Variants in INSR observed in about 807,000 individuals in gnomAD.
INSR encodes IR.
Under a neutral mutation model 142.6 loss-of-function variants are expected in INSR, and 67 were observed. The observed-to-expected ratio is 0.47, with a 90% CI of 0.39 to 0.58. INSR has a LOEUF of 0.58. INSR is among the 20% of genes least tolerant of loss of function. INSR has a pLI of 0.00. For missense variants in INSR, 1,248 were observed against 1,833.2 expected, an observed-to-expected ratio of 0.68 and a Z score of 5.83; for synonymous variants, 756 against 743.1, an observed-to-expected ratio of 1.02 and a Z score of -0.28.
intron 10 of INSR, among the ~76,000 whole-genome samples, chr19:7,151,646 A>C (rs901807338): frequency 1.9e-4 from 29 of 151,650 alleles, no homozygotes; most frequent in African/African-American, 7.0e-4. Flanking sequence ...GTCCCCCTGA[A>C]CATTCTTTTG....
At chr19:7,118,223 C>T (rs1418185805) in intron 21 of INSR, among the ~76,000 whole-genome samples, 1 of 151,840 alleles carries the variant, frequency 6.6e-6, no homozygotes, top group African/African-American at 2.4e-5. Context: ...GCCTGGGTGA[C>T]ACAGCGAGAC....
chr19:7,260,675 C>T (rs953376490), intron 2 of INSR, among the ~76,000 whole-genome samples: 18 of 152,172 alleles, frequency 1.2e-4, no homozygotes, highest in African/African-American at 3.9e-4. Flanking sequence ...TTACTGGAAG[C>T]TTCCAGGACA....
At chr19:7,142,703 G>C in intron 12 of INSR, 113 bp downstream of exon 12, 3 of 1,327,300 alleles carry the variant, frequency 2.3e-6, no homozygotes, top group Non-Finnish European at 3.2e-6. Flanking sequence ...AAACAAAAAT[G>C]AAGGCCAATA....
At chr19:7,221,405 GAA>G (rs1325962428) in intron 2 of INSR, among the ~76,000 whole-genome samples, 14 of 127,962 alleles carry the variant, frequency 1.1e-4, no homozygotes, top group East Asian at 6.8e-4. Flanking sequence ...GGAGGAGGAG[GAA>G]AGAAGAAGAA....
intron 2 of INSR, among the ~76,000 whole-genome samples, chr19:7,224,656 C>T (rs914618097): frequency 1.3e-5 from 2 of 152,072 alleles, no homozygotes; most frequent in Non-Finnish European, 2.9e-5. Flanking sequence ...GCACCCTGGG[C>T]GAAGGGGCCA....
intron 9 of INSR, 111 bp from the exon 10 acceptor site, chr19:7,153,038 A>ACATACACC (rs1973431728): frequency 8.2e-6 from 3 of 367,278 alleles, no homozygotes; most frequent in Middle Eastern, 6.2e-4. Context: ...ACACACACAC[A>ACATACACC]CACCACACAC....
At chr19:7,170,912 AGAGGAAGTT>A (rs1204865560) in intron 5 of INSR, among the ~76,000 whole-genome samples, 161 bp from the exon 6 acceptor site, 1 of 152,128 alleles carries the variant, frequency 6.6e-6, no homozygotes, top group African/African-American at 2.4e-5. Flanking sequence ...TGTGGATAAC[AGAGGAAGTT>A]GAGGAAGTTT....
chr19:7,153,324 A>T (rs1973477433), intron 9 of INSR, among the ~76,000 whole-genome samples: 1 of 144,348 alleles, frequency 6.9e-6, no homozygotes, highest in Non-Finnish European at 1.5e-5. Flanking sequence ...CACACACACC[A>T]CACACACCCA....
chr19:7,280,675 C>G (rs1351797258), intron 1 of INSR, among the ~76,000 whole-genome samples: 2 of 151,890 alleles, frequency 1.3e-5, no homozygotes, highest in African/African-American at 4.8e-5. Context: ...CGATATCATG[C>G]CATTGCACTC....
chr19:7,253,886 C>T (rs187006400), intron 2 of INSR, among the ~76,000 whole-genome samples: 167 of 151,792 alleles, frequency 1.1e-3, no homozygotes, highest in African/African-American at 4.0e-3. Flanking sequence ...AAAAATCAGC[C>T]GGGCGTGGTG....
rs955563956 is a variant in INSR, at chr19:7,252,019, A to G, written c.652+15326T>C. Among the ~76,000 whole-genome samples, 8 of 152,286 alleles carry G rather than the reference A, an allele frequency of 5.3e-5. 1 individual carries two copies. The South Asian group carries it at 1.7e-3, about 32-fold the overall frequency. ...CCAGGTGCGGTGGCTCACGCCTGTA[A>G]TTGTAGCACTTTGGGTGGCTGAGGT... On this transcript the variant is annotated intron_variant, in intron 2 of 21. Transcript: ENST00000302850.
intron 9 of INSR, among the ~76,000 whole-genome samples, chr19:7,162,196 A>G (rs192956209): frequency 1.3e-5 from 2 of 151,518 alleles, no homozygotes; most frequent in African/African-American, 2.4e-5. Flanking sequence ...GTGTGGTGGC[A>G]GGCGCCTGTA....
At chr19:7,126,773 G>C in intron 15 of INSR, 122 bp from the exon 16 acceptor site, 3 of 902,226 alleles carry the variant, frequency 3.3e-6, no homozygotes, top group Non-Finnish European at 1.8e-6. Context: ...CATAATCCTA[G>C]ATGCAGTCTA....
intron 2 of INSR, among the ~76,000 whole-genome samples, chr19:7,185,978 T>C (rs1055395123): frequency 4.6e-5 from 7 of 151,100 alleles, no homozygotes; most frequent in African/African-American, 1.7e-4. Context: ...GCGGATCACC[T>C]GAGGTCAGGA....
At chr19:7,242,679 G>A (rs1025789795) in intron 2 of INSR, among the ~76,000 whole-genome samples, 1 of 137,120 alleles carries the variant, frequency 7.3e-6, no homozygotes, top group East Asian at 2.2e-4. Context: ...GGAGGTTACA[G>A]TGAGCCAAGA....
In INSR at chr19:7,150,512, C is replaced by T; in HGVS notation, c.2252G>A (p.Gly751Asp). The T allele has an allele frequency of 1.2e-6, 2 of 1,614,200 alleles. No homozygotes were observed. Among genetic ancestry groups the T allele is most frequent in the Non-Finnish European group, 1.7e-6 (2 of 1,180,026 alleles). Residue 751 changes from glycine to aspartate, a missense_variant, in exon 11 of 22, where the codon GGT becomes GAT. Physicochemically the swap from Gly to Asp is moderately conservative, Grantham distance 94 (BLOSUM62 -1). Transcript: ENST00000302850. The surrounding 1 kb of genome is among the most constrained non-coding windows in gnomAD (Gnocchi z 4.2). Reference protein sequence around the residue: ...FVPRKTSSGTGAEDPRPSRKR... With the variant: ...FVPRKTSSGTDAEDPRPSRKR... Reference sequence around the variant, plus strand: ...TGAGTCATACCTAGGGTCCTCGGCACCAGTGCCTGAAGAGGTTTTTCTGTG... The same window carrying T: ...TGAGTCATACCTAGGGTCCTCGGCATCAGTGCCTGAAGAGGTTTTTCTGTG...
intron 2 of INSR, among the ~76,000 whole-genome samples, chr19:7,239,364 CAG>C (rs1976268702): frequency 7.5e-6 from 1 of 133,256 alleles, no homozygotes; most frequent in Non-Finnish European, 1.6e-5. Flanking sequence ...AAGAAGCATA[CAG>C]AGAGATTCCC....
intron 2 of INSR, among the ~76,000 whole-genome samples, chr19:7,210,411 C>T (rs1265146145): frequency 6.6e-6 from 1 of 151,516 alleles, no homozygotes; most frequent in Non-Finnish European, 1.5e-5. Context: ...AAACTCAGCC[C>T]CACTAAAACA....
chr19:7,280,030 C>A (rs949978337), intron 1 of INSR, among the ~76,000 whole-genome samples: 1 of 151,934 alleles, frequency 6.6e-6, no homozygotes, highest in Non-Finnish European at 1.5e-5. Flanking sequence ...CTTTGGGAGG[C>A]CGAGGCGGGC....
Sources: allele counts gnomAD v4.1 joint callset (sites outside exome capture counted in the v4.1 genomes callset), GRCh38; gene constraint gnomAD v4.1.1; non-coding constraint Gnocchi (gnomAD v3.1); transcripts MANE v1.5; gene names NCBI Gene and HGNC (gene_info 2026-07-23, HGNC 2026-07-21).